Variants in APC observed in about 807,000 individuals in gnomAD.
APC encodes the protein APC regulator of Wnt signaling pathway.
APC carries 72 observed loss-of-function variants against 247.0 expected under a neutral mutation model. The observed-to-expected ratio is 0.29, with a 90% confidence interval of 0.24 to 0.35. APC has a LOEUF of 0.35. Ranked by LOEUF, APC falls within the 10% of genes least tolerant of loss-of-function variation. The pLI is 1.00. For missense variants in APC, 3,400 were observed against 3,360.7 expected, an observed-to-expected ratio of 1.01 and a Z score of -0.29; for synonymous variants, 1,254 against 1,162.5, an observed-to-expected ratio of 1.08 and a Z score of -1.60.
At chr5:112,743,196 T>C (rs1753244655) in intron 1 of APC, among the ~76,000 whole-genome samples, 1 of 152,238 alleles carries the variant, frequency 6.6e-6, no homozygotes, top group Non-Finnish European at 1.5e-5. Context: ...TCTGCTGCTC[T>C]TGTCACATAT....
rs1580542608 is a variant in APC at position 112,821,972 on chromosome 5, A to T, written c.1389A>T (p.Arg463Ser). 1 of 1,611,928 alleles carries T rather than the reference A, an allele frequency of 6.2e-7. No individual in the cohort carries two copies. Among genetic ancestry groups the T allele is most frequent in the Non-Finnish European group, 8.5e-7 (1 of 1,178,454 alleles). ...LMKLSFDEEH[R>S]HAMNELGGLQ... ...AACTTTCATTTGATGAAGAGCATAG[A>T]CATGCAATGAATGAACTAGGTAAGA... is the stretch of plus-strand genomic sequence containing the variant. The change falls in exon 11 of 16, where the codon AGA becomes AGT. Residue 463 changes from arginine to serine, a missense_variant. Arg to Ser is a moderately radical substitution (Grantham distance 110, BLOSUM62 -1). Transcript: ENST00000257430.
In APC at chr5:112,840,826, A is replaced by G. The variant is rs1057520431; in HGVS notation, c.5232A>G (p.Lys1744=). 14 of 1,614,146 alleles carry G rather than the reference A, an allele frequency of 8.7e-6. No individual in the cohort carries two copies. The highest frequency in any genetic ancestry group is 1.2e-5 in the Non-Finnish European group (14 of 1,179,998). ...KGKSHKPFRV[K]KIMDQVQQAS... ...AAAGTCACAAGCCTTTCCGTGTGAA[A>G]AAGATAATGGACCAGGTCCAGCAAG... The change falls in exon 16 of 16, where the codon AAA becomes AAG. Residue 1744 remains lysine (K), a synonymous_variant. Transcript: ENST00000257430. The surrounding 1 kb of genome is among the most constrained non-coding windows in gnomAD (Gnocchi z 4.1).
rs879367927 is a variant in APC at position 112,841,053 on chromosome 5, C to A, written c.5459C>A (p.Ser1820Tyr). Residue 1820 changes from serine (S) to tyrosine (Y), a missense_variant, in exon 16 of 16, where the codon TCC becomes TAC. Ser to Tyr is a moderately radical substitution (Grantham distance 144, BLOSUM62 -2). This residue lies in a region of APC where 1,788 missense variants were observed against 1,649.5 expected (regional missense o/e 1.08). Coordinates refer to ENST00000257430, the MANE Select transcript of APC (RefSeq NM_000038.6). The surrounding 1 kb of genome is among the most constrained non-coding windows in gnomAD (Gnocchi z 4.6). The part of the protein sequence containing the change: ...DSKKQNLKNN[S>Y]KVFNDKLPNN... The stretch of plus-strand genomic sequence containing the variant: ...AAGAAACAGAATTTGAAAAATAATT[C>A]CAAGGTCTTCAATGATAAGCTCCCA... 1 of 1,611,850 alleles carries A rather than the reference C, an allele frequency of 6.2e-7. No homozygotes were observed. Among genetic ancestry groups the A allele is most frequent in the Non-Finnish European group, 8.5e-7 (1 of 1,178,124 alleles).
intron 7 of APC, 21 bp downstream of exon 7, chr5:112,792,550 G>A (rs748909443): frequency 1.3e-6 from 2 of 1,569,714 alleles, no homozygotes; most frequent in Admixed American, 1.7e-5. Flanking sequence ...TGCCTTTCTT[G>A]TTTGTGGGTA....
upstream of APC, among the ~76,000 whole-genome samples, chr5:112,736,849 G>C (rs1752419389): frequency 6.6e-6 from 1 of 152,180 alleles, no homozygotes; most frequent in South Asian, 2.1e-4. Flanking sequence ...GGGAGGTGGA[G>C]GTTGCAGTGA....
chr5:112,759,411 G>A (rs1003692865), intron 2 of APC, among the ~76,000 whole-genome samples: 7 of 140,972 alleles, frequency 5.0e-5, no homozygotes, highest in African/African-American at 1.9e-4. Flanking sequence ...AGGCTGGAGT[G>A]CAGTGACATG....
chr5:112,708,097 C>T (rs898812513), intron 1 of APC, among the ~76,000 whole-genome samples: 1 of 152,198 alleles, frequency 6.6e-6, no homozygotes, highest in African/African-American at 2.4e-5. Flanking sequence ...GGGGTCGCGA[C>T]GCCCGCCGTC....
chr5:112,733,826 GT>G (rs1354223450), upstream of APC, among the ~76,000 whole-genome samples: 12 of 152,314 alleles, frequency 7.9e-5, no homozygotes, highest in Admixed American at 3.9e-4. Flanking sequence ...ACTCCAAACT[GT>G]CTCTGTTCCA....
intron 11 of APC, among the ~76,000 whole-genome samples, chr5:112,823,700 A>C (rs1763366448): frequency 1.3e-5 from 2 of 152,154 alleles, no homozygotes; most frequent in Non-Finnish European, 2.9e-5. Context: ...ATGTTTATTG[A>C]TTCCCTAATC....
At chr5:112,741,410 T>G (rs369624674) in intron 1 of APC, among the ~76,000 whole-genome samples, 75 of 152,174 alleles carry the variant, frequency 4.9e-4, no homozygotes, top group African/African-American at 1.7e-3. Flanking sequence ...ATGAGAACAT[T>G]AGGTGAATAG....
In APC at chr5:112,754,963, C is replaced by T; in HGVS notation, c.73C>T (p.Gln25Ter). ...ALKMENSNLRQELEDNSNHLT... is the reference protein window; with the variant it reads ...ALKMENSNLR ...GAAGATGGAGAACTCAAATCTTCGACAAGAGCTAGAAGATAATTCCAATCA... is the reference window on the plus strand; with the variant it reads ...GAAGATGGAGAACTCAAATCTTCGATAAGAGCTAGAAGATAATTCCAATCA... Residue 25 changes from glutamine to a stop codon, truncating the protein, a stop_gained, in exon 2 of 16, where the codon CAA becomes TAA. Transcript: ENST00000257430. LOFTEE classifies it high-confidence loss of function. 1 of 1,613,730 alleles carries T rather than the reference C, an allele frequency of 6.2e-7. No individual in the cohort carries two copies. The highest frequency in any genetic ancestry group is 8.5e-7 in the Non-Finnish European group (1 of 1,179,724).
intron 7 of APC, among the ~76,000 whole-genome samples, chr5:112,793,542 A>G (rs1468661744): frequency 6.6e-6 from 1 of 152,212 alleles, no homozygotes; most frequent in East Asian, 1.9e-4. Flanking sequence ...AGATCACCCT[A>G]TAGGGTAATA....
At chr5:112,709,317 C>T (rs1444136693) in intron 1 of APC, among the ~76,000 whole-genome samples, 1 of 152,100 alleles carries the variant, frequency 6.6e-6, no homozygotes, top group African/African-American at 2.4e-5. Context: ...GGACTTTTGA[C>T]CTTTTAATGC....
At chr5:112,735,096 T>A (rs1409262673), upstream of APC, among the ~76,000 whole-genome samples, 2 of 152,174 alleles carry the variant, frequency 1.3e-5, no homozygotes, top group Non-Finnish European at 2.9e-5. Context: ...TAACAAACAC[T>A]GATACTGAAA....
At position 112,843,996 on chromosome 5, in the gene APC, G is replaced by A. The variant is rs754363694; in HGVS notation, c.8402G>A (p.Arg2801Gln). ...RKSSADSTSA[R>Q]PSQIPTPVNN... Reference sequence around the variant, plus strand: ...AGCAGCGCAGATAGCACTTCAGCTCGGCCATCTCAGATCCCAACTCCAGTG... The same window carrying A: ...AGCAGCGCAGATAGCACTTCAGCTCAGCCATCTCAGATCCCAACTCCAGTG... The change falls in exon 16 of 16, where the codon CGG becomes CAG. Residue 2801 changes from arginine (R) to glutamine (Q), a missense_variant. By Grantham distance (43) the Arg-to-Gln change is conservative (BLOSUM62 1). This residue lies in a region of APC where 1,788 missense variants were observed against 1,649.5 expected (regional missense o/e 1.08). Transcript: ENST00000257430. The surrounding 1 kb of genome is among the most constrained non-coding windows in gnomAD (Gnocchi z 4.8). The A allele has an allele frequency of 1.7e-5, 28 of 1,600,244 alleles. No individual in the cohort carries two copies. The highest frequency in any genetic ancestry group is 6.7e-5 in the African/African-American group (5 of 74,102).
rs1580642135 is a variant in APC at position 112,839,546 on chromosome 5, G to T, written c.3952G>T (p.Asp1318Tyr). 6.2e-7 allele frequency: 1 copy of T among 1,614,072 alleles called. No individual in the cohort carries two copies. Among genetic ancestry groups the T allele is most frequent in the African/African-American group, 1.3e-5 (1 of 74,932 alleles). Residue 1318 changes from aspartate (D) to tyrosine (Y), a missense_variant, in exon 16 of 16, where the codon GAT (aspartate) becomes TAT (tyrosine). Asp to Tyr is a radical substitution (Grantham distance 160). This residue lies in a region of APC where 715 missense variants were observed against 656.6 expected (regional missense o/e 1.09). Coordinates refer to ENST00000257430, the MANE Select transcript of APC (RefSeq NM_000038.6). The surrounding 1 kb of genome is among the most constrained non-coding windows in gnomAD (Gnocchi z 5.0). ...AAAGATTGGAACTAGGTCAGCTGAA[G>T]ATCCTGTGAGCGAAGTTCCAGCAGT... ...KEKIGTRSAE[D>Y]PVSEVPAVSQ...
intron 1 of APC, among the ~76,000 whole-genome samples, chr5:112,744,698 A>G (rs75547695): frequency 2.0e-5 from 3 of 152,358 alleles, no homozygotes; most frequent in East Asian, 3.9e-4. Context: ...AAACAAAAAT[A>G]TAAAGGTAAG....
chr5:112,834,780 T>C (rs1340900211), intron 14 of APC, among the ~76,000 whole-genome samples, 171 bp from the exon 15 acceptor site: 1 of 152,214 alleles, frequency 6.6e-6, no homozygotes, highest in African/African-American at 2.4e-5. Flanking sequence ...ATATAAATAC[T>C]ATTTGGTATT....
At chr5:112,715,279 G>A (rs961730570) in intron 1 of APC, among the ~76,000 whole-genome samples, 2 of 152,202 alleles carry the variant, frequency 1.3e-5, no homozygotes, top group African/African-American at 4.8e-5. Flanking sequence ...AGCCTGTGTT[G>A]TCTGAGCTTA....
Sources: allele counts gnomAD v4.1 joint callset (sites outside exome capture counted in the v4.1 genomes callset), GRCh38; gene constraint gnomAD v4.1.1; regional missense constraint gnomAD v4.1.1; non-coding constraint Gnocchi (gnomAD v3.1); transcripts MANE v1.5; gene names NCBI Gene and HGNC (gene_info 2026-07-23, HGNC 2026-07-21).